Variants in ARMC2 observed in about 807,000 individuals in gnomAD.
The protein encoded by ARMC2 is armadillo repeat containing 2, also known as armadillo repeat-containing protein 2.
ARMC2 carries 67 observed loss-of-function variants against 90.3 expected under a neutral mutation model. The ratio of observed to expected loss-of-function variants is 0.74; its 90% confidence interval spans 0.61 to 0.91. The LOEUF (loss-of-function observed/expected upper bound fraction) is 0.91, where lower values mean the gene tolerates loss of function less well. Among genes scored for constraint, ARMC2 ranks in the 40% least tolerant of loss-of-function variants. The probability of loss-of-function intolerance (pLI) is 0.00; values close to 1 mark genes in which losing one functional copy is unlikely to be tolerated. For synonymous variants in ARMC2, 393 were observed against 393.0 expected (o/e 1.00, Z 0.00); for missense variants, 920 against 1,030.9 (o/e 0.89, Z 1.47).
chr6:109,009,337 G>A, the ARMC2 span: 1 of 1,465,496 alleles, frequency 6.8e-7, no homozygotes, highest in Non-Finnish European at 9.0e-7. Flanking sequence ...CCAGCGGCCC[G>A]CTCAGCCCCT....
At chr6:109,019,078 TTAAA>T in the ARMC2 span, among the ~76,000 whole-genome samples, 1,199 of 152,346 alleles carry the variant, frequency 7.9e-3, 19 homozygotes, top group African/African-American at 0.028. Flanking sequence ...TTATTTGAAC[TTAAA>T]TAATTCATTG....
At chr6:109,018,676 T>C in the ARMC2 span, among the ~76,000 whole-genome samples, 2 of 152,244 alleles carry the variant, frequency 1.3e-5, no homozygotes, top group Non-Finnish European at 2.9e-5. Context: ...ATGCAAGTAG[T>C]TGTTTGAAAT....
chr6:108,936,065 G>C (rs1004297329), intron 11 of ARMC2, among the ~76,000 whole-genome samples: 2 of 151,922 alleles, frequency 1.3e-5, no homozygotes, highest in African/African-American at 4.8e-5. Context: ...ATTTGTTGTG[G>C]GTTTGTCAAT....
chr6:108,970,759 A>C (rs1778709306), intron 17 of ARMC2, among the ~76,000 whole-genome samples: 1 of 151,354 alleles, frequency 6.6e-6, no homozygotes, highest in African/African-American at 2.4e-5. Flanking sequence ...CAGCCTCCCA[A>C]AGTGATGGGA....
chr6:109,041,681 A>G, the ARMC2 span, among the ~76,000 whole-genome samples: 2 of 152,180 alleles, frequency 1.3e-5, no homozygotes, highest in African/African-American at 4.8e-5. Flanking sequence ...TCCACCAAAC[A>G]GAGCTGTAAA....
At chr6:108,929,582 C>T (rs1775364132) in intron 11 of ARMC2, among the ~76,000 whole-genome samples, 1 of 152,100 alleles carries the variant, frequency 6.6e-6, no homozygotes, top group South Asian at 2.1e-4. Flanking sequence ...CTTAAACGAT[C>T]GATCCTCCCA....
At chr6:108,885,498 G>GC (rs1777998198) in intron 5 of ARMC2, among the ~76,000 whole-genome samples, 1 of 152,068 alleles carries the variant, frequency 6.6e-6, no homozygotes, top group South Asian at 2.1e-4. Context: ...AGACCAGCAT[G>GC]CCCAACATGG....
chr6:108,885,685 G>A (rs867559325), intron 5 of ARMC2, among the ~76,000 whole-genome samples: 537 of 145,618 alleles, frequency 3.7e-3, no homozygotes, highest in African/African-American at 0.012. Context: ...AAAAAAAAAA[G>A]AAAAGAAAAG....
At chr6:109,003,365 G>T in the ARMC2 span, among the ~76,000 whole-genome samples, 1 of 150,962 alleles carries the variant, frequency 6.6e-6, no homozygotes, top group Non-Finnish European at 1.5e-5. Flanking sequence ...AAGAAAAAAA[G>T]TGGGGATGGG....
intron 13 of ARMC2, among the ~76,000 whole-genome samples, chr6:108,954,633 A>G (rs1777432502): frequency 6.6e-6 from 1 of 152,106 alleles, no homozygotes; most frequent in African/African-American, 2.4e-5. Context: ...CCAGAAAAAA[A>G]ATTAGCTACT....
Position 108,858,258 on chromosome 6 carries a change from G to GT in ARMC2, c.279dup (p.Pro94SerfsTer24), listed in dbSNP as rs781690132. On this transcript the variant is annotated frameshift_variant, in exon 3 of 18. Transcript: ENST00000392644. LOFTEE classifies it high-confidence loss of function. ...AGGCCTATCTCTGGCACACGTCTTA[G>GT]TCCACTAGAGCTGGTGAGTACTTTG... 21 of 1,608,622 alleles carry GT rather than the reference G, an allele frequency of 1.3e-5. No homozygotes were observed. In the South Asian group the frequency reaches 2.3e-4, roughly 18 times the overall value.
At chr6:108,898,233 C>T (rs17069964) in intron 6 of ARMC2, among the ~76,000 whole-genome samples, 27,202 of 151,980 alleles carry the variant, frequency 0.18, 2,530 homozygotes, top group Middle Eastern at 0.22. Flanking sequence ...GGCCATATAC[C>T]CGTTTGCTCC....
the ARMC2 span, among the ~76,000 whole-genome samples, chr6:109,006,356 T>A: frequency 2.0e-5 from 3 of 152,120 alleles, no homozygotes; most frequent in Non-Finnish European, 4.4e-5. Context: ...TGTGCAGGTT[T>A]GTTACATATG....
At chr6:108,924,486 G>A (rs572285426) in intron 10 of ARMC2, among the ~76,000 whole-genome samples, 403 of 71,294 alleles carry the variant, frequency 5.7e-3, no homozygotes, top group African/African-American at 0.017. Flanking sequence ...ACTCTGTCTC[G>A]AAAAAGAAAA....
intron 1 of ARMC2, 140 bp downstream of exon 1, chr6:108,848,686 A>G (rs564238474): frequency 2.5e-4 from 38 of 152,748 alleles, no homozygotes; most frequent in African/African-American, 8.4e-4. Context: ...GTGTACGGTT[A>G]CCATGGAGAC....
intron 13 of ARMC2, 107 bp from the exon 14 acceptor site, chr6:108,961,465 C>T: frequency 2.3e-6 from 3 of 1,283,930 alleles, no homozygotes; most frequent in Non-Finnish European, 3.2e-6. Context: ...TGTAGGGACC[C>T]TGCGTGATCG....
At chr6:108,941,476 A>G (rs1776431875) in intron 12 of ARMC2, among the ~76,000 whole-genome samples, 2 of 152,246 alleles carry the variant, frequency 1.3e-5, no homozygotes, top group South Asian at 4.1e-4. Flanking sequence ...AAGGCATGCC[A>G]GGGCATTGTT....
At chr6:108,912,177 C>G (rs2128472367) in intron 9 of ARMC2, among the ~76,000 whole-genome samples, 158 bp from the exon 10 acceptor site, 1 of 152,230 alleles carries the variant, frequency 6.6e-6, no homozygotes, top group East Asian at 1.9e-4. Context: ...TAAAAGTAAG[C>G]TTTTCTCTTA....
At chr6:108,872,182 G>C (rs73765516) in intron 4 of ARMC2, among the ~76,000 whole-genome samples, 1 of 152,168 alleles carries the variant, frequency 6.6e-6, no homozygotes, top group South Asian at 2.1e-4. Flanking sequence ...AGGCAGGGCC[G>C]GGGTGTGGTG....
Sources: allele counts gnomAD v4.1 joint callset (sites outside exome capture counted in the v4.1 genomes callset), GRCh38; gene constraint gnomAD v4.1.1; transcripts MANE v1.5; gene names NCBI Gene and HGNC (gene_info 2026-07-23, HGNC 2026-07-21).